Variants in ARL4D observed in about 807,000 individuals in gnomAD.
ARL4D encodes ARF like GTPase 4D, also known as ADP-ribosylation factor-like protein 4D.
In ARL4D, 1 loss-of-function variant was observed where a neutral mutation model predicts 0.6. The observed-to-expected ratio is 1.64, with a 90% CI of 0.58 to 7.76. The LOEUF is 7.76. Among genes scored for constraint, ARL4D ranks in the 30% most tolerant of loss-of-function variants. ARL4D has a pLI of 0.14. For missense variants in ARL4D, 230 were observed against 264.5 expected, an observed-to-expected ratio of 0.87 and a Z score of 0.90; for synonymous variants, 102 against 115.2, an observed-to-expected ratio of 0.89 and a Z score of 0.73.
chr17:43,399,411 T>C (rs1286392320), intron 1 of ARL4D, among the ~76,000 whole-genome samples: 1 of 151,442 alleles, frequency 6.6e-6, no homozygotes, highest in Admixed American at 6.6e-5. Flanking sequence ...CCACTGTCCA[T>C]GGATCGAGCC....
At position 43,399,982 on chromosome 17, in the gene ARL4D, C is replaced by T; in HGVS notation, c.250C>T (p.Arg84Ter). The T allele has an allele frequency of 6.2e-7, 1 of 1,613,944 alleles. No individual in the cohort carries two copies. The highest frequency in any genetic ancestry group is 8.5e-7 in the Non-Finnish European group (1 of 1,180,008). ...VWDVGGQEKL[R>*]PLWRSYTRRT... ...GGACGTCGGGGGGCAGGAGAAGCTGCGACCACTGTGGCGCTCTTATACCCG... is the reference window on the plus strand; with the variant it reads ...GGACGTCGGGGGGCAGGAGAAGCTGTGACCACTGTGGCGCTCTTATACCCG... The change falls in exon 2 of 2, where the codon CGA becomes TGA. Residue 84 changes from arginine (R) to a stop codon, truncating the protein, a stop_gained. Coordinates refer to ENST00000320033, the MANE Select transcript of ARL4D (RefSeq NM_001661.4). LOFTEE classifies it low-confidence loss of function (END_TRUNC).
Position 43,400,579 on chromosome 17 carries a change from A to C in ARL4D, c.*241A>C. The C allele has an allele frequency of 2.1e-6, 1 of 471,110 alleles. No homozygotes were observed. Among genetic ancestry groups the C allele is most frequent in the East Asian group, 3.5e-5 (1 of 28,204 alleles). 29.2% of individuals were successfully genotyped at this position (471,110 alleles called of 1,614,324 possible). On this transcript the variant is annotated 3_prime_UTR_variant, in exon 2 of 2. Transcript: ENST00000320033. Reference sequence around the variant, plus strand: ...AAGTGGGCGCTGCAGGACTGTGGAGACGTAAATGTAAACTGTGACTCTACC... The same window carrying C: ...AAGTGGGCGCTGCAGGACTGTGGAGCCGTAAATGTAAACTGTGACTCTACC...
At position 43,399,732 on chromosome 17, in the gene ARL4D, T is replaced by C; in HGVS notation, c.-1T>C. The stretch of plus-strand genomic sequence containing the variant: ...GCCTCTACTAGGCGCCTTAGCTCAC[T>C]ATGGGGAACCACTTGACTGAGATGG... On this transcript the variant is annotated 5_prime_UTR_variant, in exon 2 of 2. Transcript: ENST00000320033. 2 of 1,611,548 alleles carry C rather than the reference T, an allele frequency of 1.2e-6. No individual in the cohort carries two copies. Among genetic ancestry groups the C allele is most frequent in the Middle Eastern group, 1.7e-4 (1 of 6,054 alleles).
In ARL4D at chr17:43,400,543, CCT is replaced by C; in HGVS notation, c.*210_*211del. 2 of 640,324 alleles carry C rather than the reference CCT, an allele frequency of 3.1e-6. No homozygotes were observed. Among genetic ancestry groups the C allele is most frequent in the Non-Finnish European group, 5.4e-6 (2 of 372,126 alleles). 39.7% of individuals were successfully genotyped at this position (640,324 alleles called of 1,614,324 possible). A position where few individuals can be genotyped will look rare whatever the true frequency, so the allele number is the denominator to read the frequency against. ...GGATGTCTTTGCATATCTCTCTCAT[CCT>C]CTCTGGAGAAGTGGGCGCTGCAGGA... On this transcript the variant is annotated 3_prime_UTR_variant, in exon 2 of 2. Coordinates refer to ENST00000320033, the MANE Select transcript of ARL4D (RefSeq NM_001661.4).
intron 1 of ARL4D, 114 bp from the exon 2 acceptor site, chr17:43,399,547 G>A (rs934084435): frequency 1.2e-5 from 9 of 753,644 alleles, no homozygotes; most frequent in African/African-American, 1.1e-4. Context: ...AAAAAGGAAA[G>A]GAATTTTAAA....
rs1461603406 is a variant in ARL4D at position 43,400,777 on chromosome 17, C to T, written c.*439C>T. ...AGGCTGCTTTTCTAGGAATACCAGT[C>T]ACATAGTTTTTATTTTTGTGTCTGT... On this transcript the variant is annotated 3_prime_UTR_variant, in exon 2 of 2. Coordinates refer to ENST00000320033, the MANE Select transcript of ARL4D (RefSeq NM_001661.4). 5.7e-6 allele frequency: 1 copy of T among 176,426 alleles called. No homozygotes were observed. Among genetic ancestry groups the T allele is most frequent in the Non-Finnish European group, 1.4e-5 (1 of 73,284 alleles). The allele number at this position is 176,426 out of a possible 1,614,324, so 10.9% of individuals were successfully genotyped here.
rs2058079302 is a variant in ARL4D at position 43,399,646 on chromosome 17, C to T, written c.-72-15C>T. The T allele has an allele frequency of 2.0e-6, 3 of 1,487,606 alleles. No homozygotes were observed. Among genetic ancestry groups the T allele is most frequent in the Admixed American group, 4.5e-5 (2 of 44,412 alleles). The allele number at this position is 1,487,606 out of a possible 1,614,324, so 92.2% of individuals were successfully genotyped here. A position where few individuals can be genotyped will look rare whatever the true frequency, so the allele number is the denominator to read the frequency against. On this transcript the variant is annotated splice_polypyrimidine_tract_variant and intron_variant, in intron 1 of 1. Coordinates refer to ENST00000320033, the MANE Select transcript of ARL4D (RefSeq NM_001661.4). ...AAACGTCTCCTTTTTCTCCCATGAC[C>T]TTTTCTTGGTTCAGATAACCCAGCT...
Position 43,400,560 on chromosome 17 carries a change from G to A in ARL4D, c.*222G>A. On this transcript the variant is annotated 3_prime_UTR_variant, in exon 2 of 2. Coordinates refer to ENST00000320033, the MANE Select transcript of ARL4D (RefSeq NM_001661.4). ...TCTCTCATCCTCTCTGGAGAAGTGG[G>A]CGCTGCAGGACTGTGGAGACGTAAA... 1 of 588,510 alleles carries A rather than the reference G, an allele frequency of 1.7e-6. No homozygotes were observed. The highest frequency in any genetic ancestry group is 3.4e-5 in the Admixed American group (1 of 29,460). 36.5% of individuals were successfully genotyped at this position (588,510 alleles called of 1,614,324 possible).
rs2058079394 is a variant in ARL4D at position 43,399,660 on chromosome 17, G to C, written c.-72-1G>C. On this transcript the variant is annotated splice_acceptor_variant, in intron 1 of 1. Coordinates refer to ENST00000320033, the MANE Select transcript of ARL4D (RefSeq NM_001661.4). LOFTEE classifies it low-confidence loss of function (5UTR_SPLICE). ...TCTCCCATGACCTTTTCTTGGTTCA[G>C]ATAACCCAGCTGTGCTCCCTGGAAC... 2 of 1,516,652 alleles carry C rather than the reference G, an allele frequency of 1.3e-6. No individual in the cohort carries two copies. The highest frequency in any genetic ancestry group is 2.3e-5 in the East Asian group (1 of 44,010). 93.9% of individuals were successfully genotyped at this position (1,516,652 alleles called of 1,614,324 possible). A position where few individuals can be genotyped will look rare whatever the true frequency, so the allele number is the denominator to read the frequency against.
Position 43,400,397 on chromosome 17 carries a change from G to A in ARL4D, c.*59G>A. The A allele has an allele frequency of 3.9e-6, 6 of 1,519,320 alleles. No homozygotes were observed. The highest frequency in any genetic ancestry group is 5.3e-6 in the Non-Finnish European group (6 of 1,135,572). 94.1% of individuals were successfully genotyped at this position (1,519,320 alleles called of 1,614,324 possible). A position where few individuals can be genotyped will look rare whatever the true frequency, so the allele number is the denominator to read the frequency against. On this transcript the variant is annotated 3_prime_UTR_variant, in exon 2 of 2. Transcript: ENST00000320033. ...AGGGGTCTGCACACTTGGACAGCAG[G>A]GTGGGACCAGCCTGTGACCTCTCAG...
intron 1 of ARL4D, 148 bp from the exon 2 acceptor site, chr17:43,399,513 C>G: frequency 1.6e-6 from 1 of 612,326 alleles, no homozygotes; most frequent in South Asian, 2.2e-5. Flanking sequence ...GGGAACACCT[C>G]TGTTATGCCT....
chr17:43,399,928 G>A lies in ARL4D; in HGVS notation c.196G>A (p.Gly66Arg). 1 of 1,614,040 alleles carries A rather than the reference G, an allele frequency of 6.2e-7. No homozygotes were observed. Among genetic ancestry groups the A allele is most frequent in the Non-Finnish European group, 8.5e-7 (1 of 1,180,004 alleles). Residue 66 changes from glycine to arginine, a missense_variant, in exon 2 of 2, where the codon GGA (glycine) becomes AGA (arginine). By Grantham distance (125) the Gly-to-Arg change is moderately radical. Around this residue, in one of 3 missense-constraint regions of ARL4D, gnomAD observed 91 missense variants for 100.4 expected, o/e 0.91. Coordinates refer to ENST00000320033, the MANE Select transcript of ARL4D (RefSeq NM_001661.4). ...CGAGAAGATCCGGGTGCCCCTCGGG[G>A]GATCGCGTGGCATCACCTTCCAAGT... ...NTEKIRVPLG[G>R]SRGITFQVWD...
chr17:43,400,450 C>A lies in ARL4D; in HGVS notation c.*112C>A. 7.2e-7 allele frequency: 1 copy of A among 1,385,008 alleles called. No homozygotes were observed. The highest frequency in any genetic ancestry group is 9.7e-7 in the Non-Finnish European group (1 of 1,027,584). The allele number at this position is 1,385,008 out of a possible 1,614,324, so 85.8% of individuals were successfully genotyped here. ...AGACTGGGGTGCAGGACCTGTCCAC[C>A]TCAATGAAGGAGAGAGGAGCATGGG... is the stretch of plus-strand genomic sequence containing the variant. On this transcript the variant is annotated 3_prime_UTR_variant, in exon 2 of 2. Transcript: ENST00000320033.
In ARL4D at chr17:43,399,524, T is replaced by TAA. The variant is rs3071190; in HGVS notation, c.-72-121_-72-120dup. The TAA allele has an allele frequency of 6.7e-3, 3,602 of 536,988 alleles. 12 individuals are homozygous for TAA. Among genetic ancestry groups the TAA allele is most frequent in the South Asian group, 0.038 (1,466 of 38,358 alleles). The allele number at this position is 536,988 out of a possible 1,614,324, so 33.3% of individuals were successfully genotyped here. A position where few individuals can be genotyped will look rare whatever the true frequency, so the allele number is the denominator to read the frequency against. ...GTGGGGGAACACCTCTGTTATGCCT[T>TAA]AAAAAAAAAAAAAAAAAGGAAAGGA... On this transcript the variant is annotated intron_variant, in intron 1 of 1. Transcript: ENST00000320033.
Position 43,400,049 on chromosome 17 carries a change from C to G in ARL4D, c.317C>G (p.Ala106Gly), listed in dbSNP as rs1259002039. Reference sequence around the variant, plus strand: ...GTGTTTGTGGTGGACGCTGCGGAGGCTGAGCGGCTGGAGGAAGCCAAGGTG... The same window carrying G: ...GTGTTTGTGGTGGACGCTGCGGAGGGTGAGCGGCTGGAGGAAGCCAAGGTG... ...GLVFVVDAAE[A>G]ERLEEAKVEL... Residue 106 changes from alanine (A) to glycine (G), a missense_variant, in exon 2 of 2, where the codon GCT becomes GGT. Around this residue, in one of 3 missense-constraint regions of ARL4D, gnomAD observed 131 missense variants for 134.4 expected, o/e 0.97. Coordinates refer to ENST00000320033, the MANE Select transcript of ARL4D (RefSeq NM_001661.4). 1 of 1,613,748 alleles carries G rather than the reference C, an allele frequency of 6.2e-7. No individual in the cohort carries two copies.
At chr17:43,399,525 A>T (rs1598079940) in intron 1 of ARL4D, 136 bp from the exon 2 acceptor site, 4 of 53,650 alleles carry the variant, frequency 7.5e-5, no homozygotes, top group Admixed American at 1.6e-4. Flanking sequence ...GTTATGCCTT[A>T]AAAAAAAAAA....
rs147354814 is a variant in ARL4D, at chr17:43,400,149, G to A, written c.417G>A (p.Gln139=). 2.2e-5 allele frequency: 36 copies of A among 1,608,290 alleles called. No homozygotes were observed. The South Asian group carries it at 3.6e-4, about 16-fold the overall frequency. ...PVLVLANKQD[Q]PGALSAAEVE... is the part of the protein sequence containing the mutation. ...TGGTGCTGGCCAACAAGCAGGACCA[G>A]CCCGGGGCACTGAGCGCTGCTGAGG... Residue 139 remains glutamine, a synonymous_variant, in exon 2 of 2, where the codon CAG becomes CAA. Transcript: ENST00000320033.
Position 43,400,146 on chromosome 17 carries a change from C to T in ARL4D, c.414C>T (p.Asp138=), listed in dbSNP as rs748124890. The change falls in exon 2 of 2, where the codon GAC becomes GAT. Residue 138 remains aspartate (D), a synonymous_variant. Transcript: ENST00000320033. ...TGCTGGTGCTGGCCAACAAGCAGGA[C>T]CAGCCCGGGGCACTGAGCGCTGCTG... The part of the protein sequence containing the change: ...VPVLVLANKQ[D]QPGALSAAEV... The T allele has an allele frequency of 8.7e-6, 14 of 1,608,768 alleles. No individual in the cohort carries two copies. The highest frequency in any genetic ancestry group is 1.2e-5 in the Non-Finnish European group (14 of 1,179,150).
At position 43,400,039 on chromosome 17, in the gene ARL4D, G is replaced by A; in HGVS notation, c.307G>A (p.Ala103Thr). 1 of 1,613,870 alleles carries A rather than the reference G, an allele frequency of 6.2e-7. No individual in the cohort carries two copies. The highest frequency in any genetic ancestry group is 8.5e-7 in the Non-Finnish European group (1 of 1,180,040). ...AGACGGTCTAGTGTTTGTGGTGGAC[G>A]CTGCGGAGGCTGAGCGGCTGGAGGA... ...RTDGLVFVVD[A>T]AEAERLEEAK... The change falls in exon 2 of 2, where the codon GCT (alanine) becomes ACT (threonine). Residue 103 changes from alanine to threonine, a missense_variant. Physicochemically the swap from Ala to Thr is moderately conservative, Grantham distance 58. Around this residue, in one of 3 missense-constraint regions of ARL4D, gnomAD observed 131 missense variants for 134.4 expected, o/e 0.97. Transcript: ENST00000320033.
Sources: allele counts gnomAD v4.1 joint callset (sites outside exome capture counted in the v4.1 genomes callset), GRCh38; gene constraint gnomAD v4.1.1; regional missense constraint gnomAD v4.1.1; transcripts MANE v1.5; gene names NCBI Gene and HGNC (gene_info 2026-07-23, HGNC 2026-07-21).